The following FAF1 variants were observed in gnomAD, a reference collection of about 807,000 sequenced individuals.
The protein encoded by FAF1 is Fas associated factor 1, also known as FAS-associated factor 1.
Under a neutral mutation model 92.5 loss-of-function variants are expected in FAF1, and 25 were observed. The ratio of observed to expected loss-of-function variants is 0.27; its 90% confidence interval spans 0.20 to 0.38. FAF1 has a LOEUF of 0.38. FAF1 is among the 10% of genes least tolerant of loss of function. The probability of loss-of-function intolerance (pLI) is 1.00; values close to 1 mark genes in which losing one functional copy is unlikely to be tolerated. For synonymous variants in FAF1, 234 were observed against 273.2 expected, an observed-to-expected ratio of 0.86 and a Z score of 1.42; for missense variants, 636 against 793.3, an observed-to-expected ratio of 0.80 and a Z score of 2.38.
chr1:50,783,648 C>T (rs973830824), intron 4 of FAF1, among the ~76,000 whole-genome samples: 7 of 151,950 alleles, frequency 4.6e-5, no homozygotes, highest in African/African-American at 7.3e-5. Context: ...CTGAGGTGGG[C>T]GGATCACTTG....
chr1:50,822,004 C>G (rs947590475), intron 2 of FAF1, among the ~76,000 whole-genome samples: 1 of 151,236 alleles, frequency 6.6e-6, no homozygotes, highest in African/African-American at 2.4e-5. Context: ...GGTTAACAGC[C>G]CTACAACTTA....
chr1:50,872,063 T>TCAA (rs1644532548), intron 1 of FAF1, among the ~76,000 whole-genome samples: 1 of 95,226 alleles, frequency 1.1e-5, no homozygotes. Flanking sequence ...AGACTCCATC[T>TCAA]CAAAAAAAAA....
At chr1:50,897,418 A>T (rs1644766262) in intron 1 of FAF1, among the ~76,000 whole-genome samples, 1 of 152,238 alleles carries the variant, frequency 6.6e-6, no homozygotes, top group Non-Finnish European at 1.5e-5. Flanking sequence ...ATAAATGGAT[A>T]AACATGTAGA....
intron 8 of FAF1, among the ~76,000 whole-genome samples, chr1:50,624,895 CTCTT>C (rs1653420208): frequency 7.0e-6 from 1 of 143,634 alleles, no homozygotes; most frequent in East Asian, 2.0e-4. Context: ...GAATCCCACA[CTCTT>C]TTTTTTTTTT....
chr1:50,595,524 C>T (rs1003441217), intron 9 of FAF1, among the ~76,000 whole-genome samples: 2 of 152,048 alleles, frequency 1.3e-5, no homozygotes, highest in East Asian at 1.9e-4. Context: ...CTCAACTACA[C>T]AGTCAATAGC....
At chr1:50,946,419 G>A (rs549187056) in intron 1 of FAF1, among the ~76,000 whole-genome samples, 8 of 152,224 alleles carry the variant, frequency 5.3e-5, no homozygotes, top group East Asian at 3.9e-4. Flanking sequence ...CCAATATCTC[G>A]TCATTAATAG....
At chr1:50,861,233 T>C (rs374068953) in intron 1 of FAF1, among the ~76,000 whole-genome samples, 1 of 151,788 alleles carries the variant, frequency 6.6e-6, no homozygotes, top group Non-Finnish European at 1.5e-5. Flanking sequence ...AACAAAACAC[T>C]AGTAGACCAC....
chr1:50,443,890 A>G (rs187554750), intron 18 of FAF1, among the ~76,000 whole-genome samples: 1 of 151,912 alleles, frequency 6.6e-6, no homozygotes, highest in East Asian at 1.9e-4. Flanking sequence ...TTTCTTCCCC[A>G]CGGCCCAGCA....
At chr1:50,759,586 A>G (rs1358977589) in intron 4 of FAF1, among the ~76,000 whole-genome samples, 1 of 151,866 alleles carries the variant, frequency 6.6e-6, no homozygotes, top group Non-Finnish European at 1.5e-5. Context: ...AGTCTTTGCT[A>G]TTGTGAATAG....
At chr1:50,451,578 T>G (rs1015784852) in intron 18 of FAF1, among the ~76,000 whole-genome samples, 2 of 152,230 alleles carry the variant, frequency 1.3e-5, no homozygotes, top group African/African-American at 2.4e-5. Flanking sequence ...ACTAGACTAT[T>G]TATTCTAAGT....
At chr1:50,637,200 C>T (rs1654057545) in intron 8 of FAF1, among the ~76,000 whole-genome samples, 1 of 149,876 alleles carries the variant, frequency 6.7e-6, no homozygotes, top group Non-Finnish European at 1.5e-5. Context: ...CCTTGGGAGG[C>T]CAAGGCAGGT....
At chr1:50,693,231 T>C (rs1657016979) in intron 7 of FAF1, among the ~76,000 whole-genome samples, 1 of 152,202 alleles carries the variant, frequency 6.6e-6, no homozygotes, top group Non-Finnish European at 1.5e-5. Context: ...TTAATTTTTC[T>C]TTCTGTCTGG....
intron 2 of FAF1, among the ~76,000 whole-genome samples, chr1:50,850,067 T>C (rs911489126): frequency 1.3e-4 from 19 of 151,734 alleles, no homozygotes; most frequent in African/African-American, 4.4e-4. Flanking sequence ...GGGATAAAAC[T>C]TCGGGTCAGC....
intron 7 of FAF1, among the ~76,000 whole-genome samples, chr1:50,699,101 G>A (rs1490079438): frequency 6.6e-6 from 1 of 151,950 alleles, no homozygotes. Flanking sequence ...TGAACATGGT[G>A]GCGGTAATAT....
chr1:50,473,414 G>A (rs1034581522), intron 18 of FAF1, among the ~76,000 whole-genome samples: 1 of 152,148 alleles, frequency 6.6e-6, no homozygotes, highest in Non-Finnish European at 1.5e-5. Context: ...CGTTCAGAAA[G>A]GGAGTGACTT....
chr1:50,646,991 G>A (rs1654622103), intron 8 of FAF1, among the ~76,000 whole-genome samples: 1 of 152,118 alleles, frequency 6.6e-6, no homozygotes, highest in Non-Finnish European at 1.5e-5. Context: ...GATCACATGT[G>A]TGAGCCACCA....
intron 4 of FAF1, among the ~76,000 whole-genome samples, chr1:50,761,502 G>C (rs952077577): frequency 5.9e-5 from 9 of 152,168 alleles, no homozygotes; most frequent in South Asian, 4.2e-4. Flanking sequence ...GATCAAGTGG[G>C]CTTCATCCCT....
At chr1:50,811,543 C>T (rs975870173) in intron 2 of FAF1, among the ~76,000 whole-genome samples, 1 of 152,046 alleles carries the variant, frequency 6.6e-6, no homozygotes, top group Admixed American at 6.6e-5. Flanking sequence ...CAAAAGATTG[C>T]TCAAAGGTAT....
intron 2 of FAF1, among the ~76,000 whole-genome samples, chr1:50,823,418 C>A (rs1024463558): frequency 2.0e-5 from 3 of 152,150 alleles, no homozygotes; most frequent in South Asian, 4.1e-4. Context: ...AACATAAGCA[C>A]ATAAAATATC....
Sources: allele counts gnomAD v4.1 joint callset (sites outside exome capture counted in the v4.1 genomes callset), GRCh38; gene constraint gnomAD v4.1.1; transcripts MANE v1.5; gene names NCBI Gene and HGNC (gene_info 2026-07-23, HGNC 2026-07-21).